The following PSD2 variants were observed in gnomAD, a reference collection of about 807,000 sequenced individuals.
PSD2 encodes the protein pleckstrin and Sec7 domain containing 2.
Under a neutral mutation model 69.8 loss-of-function variants are expected in PSD2, and 38 were observed. The ratio of observed to expected loss-of-function variants is 0.54; its 90% CI spans 0.42 to 0.71. The LOEUF is 0.71. Ranked by LOEUF, PSD2 falls within the 30% of genes least tolerant of loss-of-function variation. The probability of loss-of-function intolerance (pLI) is 0.00; values close to 1 mark genes in which losing one functional copy is unlikely to be tolerated. For missense variants in PSD2, 943 were observed against 1,014.5 expected (o/e 0.93, Z 0.96); for synonymous variants, 412 against 423.0 (o/e 0.97, Z 0.32).
the PSD2 span, among the ~76,000 whole-genome samples, chr5:139,749,499 C>G: frequency 8.9e-4 from 135 of 152,346 alleles, no homozygotes; most frequent in African/African-American, 3.2e-3. Flanking sequence ...ATCATCTCAC[C>G]ATGGATCCTC....
chr5:139,775,799 G>A, the PSD2 span, among the ~76,000 whole-genome samples: 1 of 152,200 alleles, frequency 6.6e-6, no homozygotes, highest in Non-Finnish European at 1.5e-5. Flanking sequence ...CTCCCAAGTC[G>A]CTGGAATTAT....
chr5:139,809,894 C>G lies in PSD2; in HGVS notation c.371+83C>G, dbSNP rs532561480. On this transcript the variant is annotated intron_variant, in intron 2 of 14. Coordinates refer to ENST00000274710, the MANE Select transcript of PSD2 (RefSeq NM_032289.4). ...GCCTGGGCTTAGCCACTTAGTTTCTCCGGTTCTTGTTTTTCTCACACATAA... is the reference window on the plus strand; with the variant it reads ...GCCTGGGCTTAGCCACTTAGTTTCTGCGGTTCTTGTTTTTCTCACACATAA... The G allele has an allele frequency of 1.6e-4, 239 of 1,453,332 alleles. 1 individual carries two copies. Among genetic ancestry groups the G allele is most frequent in the Non-Finnish European group, 5.6e-6 (6 of 1,068,296 alleles). 90.0% of individuals were successfully genotyped at this position (1,453,332 alleles called of 1,614,324 possible).
At chr5:139,753,712 C>G in the PSD2 span, among the ~76,000 whole-genome samples, 1 of 152,332 alleles carries the variant, frequency 6.6e-6, no homozygotes, top group East Asian at 1.9e-4. Context: ...AGAGACTGAT[C>G]CCACAGGAGT....
At chr5:139,822,616 G>A in intron 6 of PSD2, 110 bp from the exon 7 acceptor site, 1 of 905,984 alleles carries the variant, frequency 1.1e-6, no homozygotes, top group South Asian at 1.9e-5. Flanking sequence ...GAGTTTGGCA[G>A]GCGGCCGGCC....
At chr5:139,827,855 C>G (rs960056371) in intron 7 of PSD2, among the ~76,000 whole-genome samples, 3 of 152,198 alleles carry the variant, frequency 2.0e-5, no homozygotes, top group Admixed American at 6.5e-5. Context: ...CACCTTCCTC[C>G]CTTGACATGT....
chr5:139,744,517 C>G, the PSD2 span, among the ~76,000 whole-genome samples: 3 of 152,156 alleles, frequency 2.0e-5, no homozygotes, highest in Admixed American at 6.5e-5. Flanking sequence ...AGCTGTGGCC[C>G]GGGCAGCTGT....
rs1022783184 is a variant in PSD2 at position 139,797,677 on chromosome 5, C to T, written c.-51+1702C>T. Among the ~76,000 whole-genome samples, 13 of 152,304 alleles carry T rather than the reference C, an allele frequency of 8.5e-5. No individual in the cohort carries two copies. In the Middle Eastern group the frequency reaches 0.01, roughly 120 times the overall value. On this transcript the variant is annotated intron_variant, in intron 1 of 14. Coordinates refer to ENST00000274710, the MANE Select transcript of PSD2 (RefSeq NM_032289.4). ...GGGGTATTACCTCACCTAGCTTCCA[C>T]ATATGGAGCATATGTGCTAAGTACC...
chr5:139,825,937 G>A (rs2126954303), intron 7 of PSD2, among the ~76,000 whole-genome samples: 1 of 152,334 alleles, frequency 6.6e-6, no homozygotes, highest in East Asian at 1.9e-4. Context: ...GTAGAGGCCA[G>A]GCAGAGGAGT....
At position 139,830,355 on chromosome 5, in the gene PSD2, T is replaced by G. The variant is rs868793260; in HGVS notation, c.1270-3347T>G. Reference sequence around the variant, plus strand: ...TCTCTTGATAGTGTTCTTTTTTTTTTTTTTTTTTTCCTTTTGAGACAGCGT... The same window carrying G: ...TCTCTTGATAGTGTTCTTTTTTTTTGTTTTTTTTTCCTTTTGAGACAGCGT... On this transcript the variant is annotated intron_variant, in intron 7 of 14. Transcript: ENST00000274710. 5.0e-3 allele frequency among the ~76,000 whole-genome samples: 755 copies of G among 149,866 alleles called. 5 individuals are homozygous for G. Among genetic ancestry groups the G allele is most frequent in the African/African-American group, 0.017 (706 of 40,978 alleles).
At chr5:139,762,013 G>C in the PSD2 span, among the ~76,000 whole-genome samples, 1 of 152,162 alleles carries the variant, frequency 6.6e-6, no homozygotes, top group East Asian at 1.9e-4. Flanking sequence ...ATGCCTGACA[G>C]ATAGTAAGCA....
At position 139,842,334 on chromosome 5, in the gene PSD2, C is replaced by T; in HGVS notation, c.2176C>T (p.Leu726=). 2 of 1,614,208 alleles carry T rather than the reference C, an allele frequency of 1.2e-6. No homozygotes were observed. The highest frequency in any genetic ancestry group is 1.7e-6 in the Non-Finnish European group (2 of 1,180,038). ...GAAAATCAAAGTGGGCTCAGATGAT[C>T]TGGAGCGGATTGAGGCCCGGCTGGC... is the stretch of plus-strand genomic sequence containing the variant. ...AMKIKVGSDD[L]ERIEARLATL... is the part of the protein sequence containing the mutation. Residue 726 remains leucine (L), a synonymous_variant, in exon 15 of 15, where the codon CTG becomes TTG. Transcript: ENST00000274710.
chr5:139,828,542 G>T (rs1314693587), intron 7 of PSD2, among the ~76,000 whole-genome samples: 1 of 152,148 alleles, frequency 6.6e-6, no homozygotes, highest in African/African-American at 2.4e-5. Flanking sequence ...TAACCTTAAG[G>T]GAATACCAAG....
chr5:139,767,530 G>C, the PSD2 span, among the ~76,000 whole-genome samples: 1 of 151,832 alleles, frequency 6.6e-6, no homozygotes, highest in Admixed American at 6.6e-5. Context: ...GGCCAGGCTG[G>C]TCTCGAACTC....
the PSD2 span, among the ~76,000 whole-genome samples, chr5:139,777,203 C>T: frequency 1.3e-5 from 2 of 152,226 alleles, no homozygotes; most frequent in African/African-American, 2.4e-5. Context: ...ACTGGGTATA[C>T]CCTAATTGGC....
At chr5:139,824,391 CTT>C (rs1352750170) in intron 7 of PSD2, among the ~76,000 whole-genome samples, 3 of 133,660 alleles carry the variant, frequency 2.2e-5, no homozygotes, top group Non-Finnish European at 3.2e-5. Flanking sequence ...TCGTCTCTCT[CTT>C]GTTTTTTTTT....
At chr5:139,804,540 G>A (rs988291404) in intron 1 of PSD2, among the ~76,000 whole-genome samples, 81 of 152,264 alleles carry the variant, frequency 5.3e-4, no homozygotes, top group African/African-American at 1.9e-3. Context: ...AATGGTGCAC[G>A]TGGGGACATG....
chr5:139,820,163 C>A (rs1398351790), intron 5 of PSD2, among the ~76,000 whole-genome samples: 1 of 152,004 alleles, frequency 6.6e-6, no homozygotes, highest in Non-Finnish European at 1.5e-5. Context: ...TAGGGACAGC[C>A]CAAGAGTTTG....
intron 12 of PSD2, among the ~76,000 whole-genome samples, 196 bp from the exon 13 acceptor site, chr5:139,838,432 G>C (rs1209462312): frequency 6.6e-6 from 1 of 152,158 alleles, no homozygotes; most frequent in Non-Finnish European, 1.5e-5. Flanking sequence ...TGGAAGCTGG[G>C]ACAGAAAGGG....
At chr5:139,788,470 C>A in the PSD2 span, among the ~76,000 whole-genome samples, 5 of 152,228 alleles carry the variant, frequency 3.3e-5, no homozygotes, top group African/African-American at 1.2e-4. Context: ...ATTCTAGCAG[C>A]TGCGAATTCC....
Sources: allele counts gnomAD v4.1 joint callset (sites outside exome capture counted in the v4.1 genomes callset), GRCh38; gene constraint gnomAD v4.1.1; transcripts MANE v1.5; gene names NCBI Gene and HGNC (gene_info 2026-07-23, HGNC 2026-07-21).